CNBD1: variants seen among roughly 807,000 people sequenced by gnomAD.
The protein encoded by CNBD1 is cyclic nucleotide binding domain containing 1.
CNBD1 carries 71 observed loss-of-function variants against 54.4 expected under a neutral mutation model. The observed-to-expected ratio is 1.30, with a 90% CI of 1.08 to 1.59. The LOEUF is 1.59. CNBD1 is among the 40% of genes most tolerant of loss of function. The pLI is 0.00. For synonymous variants in CNBD1, 182 were observed against 170.7 expected, an observed-to-expected ratio of 1.07 and a Z score of -0.51; for missense variants, 659 against 518.0, an observed-to-expected ratio of 1.27 and a Z score of -2.64.
intron 4 of CNBD1, among the ~76,000 whole-genome samples, chr8:86,986,746 C>G (rs1586181294): frequency 6.6e-6 from 1 of 152,094 alleles, no homozygotes; most frequent in African/African-American, 2.4e-5. Context: ...GCGAGTTATT[C>G]CAGCACCATA....
chr8:86,906,256 G>T (rs1809014995), intron 3 of CNBD1, among the ~76,000 whole-genome samples: 1 of 152,176 alleles, frequency 6.6e-6, no homozygotes, highest in Admixed American at 6.5e-5. Flanking sequence ...CAGCATGAGA[G>T]ACATAGATCT....
At chr8:86,873,505 T>G (rs1808471642) in intron 1 of CNBD1, among the ~76,000 whole-genome samples, 1 of 152,032 alleles carries the variant, frequency 6.6e-6, no homozygotes, top group Non-Finnish European at 1.5e-5. Flanking sequence ...TGCTCAGTCT[T>G]CCTACTTCTC....
chr8:86,969,892 T>C (rs1431121226), intron 4 of CNBD1, among the ~76,000 whole-genome samples: 1 of 151,860 alleles, frequency 6.6e-6, no homozygotes, highest in Non-Finnish European at 1.5e-5. Flanking sequence ...TAAACAATCA[T>C]TTTTAACTTA....
intron 4 of CNBD1, among the ~76,000 whole-genome samples, chr8:87,171,139 A>C (rs900128245): frequency 4.6e-5 from 7 of 152,292 alleles, no homozygotes; most frequent in African/African-American, 1.2e-4. Context: ...TCAGCAGTGA[A>C]GATATCAGGT....
At chr8:87,307,279 T>G (rs11992828) in intron 8 of CNBD1, among the ~76,000 whole-genome samples, 27,667 of 152,202 alleles carry the variant, frequency 0.18, 2,773 homozygotes, top group South Asian at 0.25. Flanking sequence ...GAACACAATT[T>G]AACTGGCATT....
chr8:87,184,827 C>T (rs571962527), intron 4 of CNBD1, among the ~76,000 whole-genome samples: 4 of 152,300 alleles, frequency 2.6e-5, no homozygotes, highest in African/African-American at 9.6e-5. Context: ...GGGAGAAGCT[C>T]TTCCTGGCTG....
chr8:87,020,342 ACC>A, intron 4 of CNBD1, among the ~76,000 whole-genome samples: 1 of 152,134 alleles, frequency 6.6e-6, no homozygotes, highest in East Asian at 1.9e-4. Context: ...AACTATTACC[ACC>A]AATCAGACTA....
At chr8:87,098,947 G>A (rs1373372779) in intron 4 of CNBD1, among the ~76,000 whole-genome samples, 1 of 135,620 alleles carries the variant, frequency 7.4e-6, no homozygotes, top group Non-Finnish European at 1.5e-5. Context: ...TAAGGCAGGA[G>A]AATAGTTTGA....
chr8:87,057,565 A>G (rs1445017678), intron 4 of CNBD1, among the ~76,000 whole-genome samples: 1 of 152,136 alleles, frequency 6.6e-6, no homozygotes, highest in African/African-American at 2.4e-5. Context: ...AAACACAATC[A>G]TGGTTGGGCG....
intron 4 of CNBD1, among the ~76,000 whole-genome samples, chr8:87,142,955 T>C (rs1261429935): frequency 6.6e-6 from 1 of 152,130 alleles, no homozygotes; most frequent in Non-Finnish European, 1.5e-5. Flanking sequence ...CTGAATATAG[T>C]TGTGAACAAA....
At chr8:87,289,495 T>C (rs1808750227) in intron 8 of CNBD1, among the ~76,000 whole-genome samples, 1 of 152,096 alleles carries the variant, frequency 6.6e-6, no homozygotes, top group Non-Finnish European at 1.5e-5. Context: ...ATGTGTATCA[T>C]GGATATAAGA....
chr8:87,342,160 C>T (rs1419659823), intron 8 of CNBD1, among the ~76,000 whole-genome samples: 2 of 151,968 alleles, frequency 1.3e-5, no homozygotes, highest in African/African-American at 4.8e-5. Context: ...GTAGTCCCAG[C>T]TACTTGAGAG....
intron 8 of CNBD1, among the ~76,000 whole-genome samples, chr8:87,291,110 T>C (rs1292555200): frequency 6.6e-6 from 1 of 152,218 alleles, no homozygotes; most frequent in Non-Finnish European, 1.5e-5. Flanking sequence ...CTCATTGTTA[T>C]TCAGGTAAAA....
intron 2 of CNBD1, among the ~76,000 whole-genome samples, chr8:87,413,945 AT>A (rs1807795030): frequency 6.6e-6 from 1 of 151,740 alleles, no homozygotes; most frequent in South Asian, 2.1e-4. Context: ...TAGTTCAACC[AT>A]TGTGGAAGTC....
chr8:87,187,555 T>G (rs1306371597), intron 4 of CNBD1, among the ~76,000 whole-genome samples: 2 of 151,796 alleles, frequency 1.3e-5, no homozygotes, highest in Non-Finnish European at 2.9e-5. Context: ...TATTTTGGAC[T>G]GGAAAAATTT....
At chr8:87,078,352 T>C (rs77064149) in intron 4 of CNBD1, among the ~76,000 whole-genome samples, 4,372 of 152,328 alleles carry the variant, frequency 0.029, 222 homozygotes, top group African/African-American at 0.1. Flanking sequence ...TTAATGTCAG[T>C]GTAAAGCTGT....
At chr8:87,332,437 A>G (rs1563556710) in intron 8 of CNBD1, among the ~76,000 whole-genome samples, 1 of 151,700 alleles carries the variant, frequency 6.6e-6, no homozygotes, top group Non-Finnish European at 1.5e-5. Flanking sequence ...TAGCGATTTC[A>G]TAATAAAAGA....
intron 6 of CNBD1, among the ~76,000 whole-genome samples, chr8:87,276,030 A>G (rs1420194496): frequency 6.6e-6 from 1 of 151,850 alleles, no homozygotes; most frequent in Non-Finnish European, 1.5e-5. Flanking sequence ...AAGGACAAAT[A>G]AATTTTAAAA....
At chr8:86,899,276 C>T (rs772928278) in intron 2 of CNBD1, among the ~76,000 whole-genome samples, 2 of 151,892 alleles carry the variant, frequency 1.3e-5, no homozygotes, top group Non-Finnish European at 2.9e-5. Flanking sequence ...TAGGTAATAA[C>T]ATTGCACTGT....
Sources: allele counts gnomAD v4.1 joint callset (sites outside exome capture counted in the v4.1 genomes callset), GRCh38; gene constraint gnomAD v4.1.1; transcripts MANE v1.5; gene names NCBI Gene and HGNC (gene_info 2026-07-23, HGNC 2026-07-21).